NUCB1: variants seen among roughly 807,000 people sequenced by gnomAD.
NUCB1 encodes nucleobindin 1.
In NUCB1, 47 loss-of-function variants were observed where a neutral mutation model predicts 61.2. The observed-to-expected ratio is 0.77, with a 90% CI of 0.61 to 0.98. The LOEUF is 0.98. NUCB1 is among the 50% of genes least tolerant of loss of function. The pLI is 0.00. For synonymous variants in NUCB1, 234 were observed against 243.1 expected, an observed-to-expected ratio of 0.96 and a Z score of 0.35; for missense variants, 583 against 605.3, an observed-to-expected ratio of 0.96 and a Z score of 0.39.
At chr19:48,914,876 T>G (rs190028967) in intron 7 of NUCB1, among the ~76,000 whole-genome samples, 7 of 149,162 alleles carry the variant, frequency 4.7e-5, no homozygotes, top group Admixed American at 2.0e-4. Context: ...AGGTCAGGAG[T>G]TCAAGACCAG....
intron 10 of NUCB1, among the ~76,000 whole-genome samples, 159 bp from the exon 11 acceptor site, chr19:48,920,995 T>G (rs914419539): frequency 7.2e-5 from 11 of 152,184 alleles, no homozygotes; most frequent in Non-Finnish European, 1.6e-4. Context: ...TCTCTCGGTC[T>G]TTATCCCACT....
chr19:48,919,113 G>T lies in NUCB1; in HGVS notation c.900G>T (p.Val300=). 1 of 1,614,144 alleles carries T rather than the reference G, an allele frequency of 6.2e-7. No individual in the cohort carries two copies. Among genetic ancestry groups the T allele is most frequent in the Non-Finnish European group, 8.5e-7 (1 of 1,180,020 alleles). The part of the protein sequence containing the change: ...EEERLRMREH[V]MKNVDTNQDR... ...AGCGACTGCGCATGCGGGAGCATGTGATGAAGAATGTGAGGTGGGGGCCAG... is the reference window on the plus strand; with the variant it reads ...AGCGACTGCGCATGCGGGAGCATGTTATGAAGAATGTGAGGTGGGGGCCAG... The change falls in exon 9 of 13, where the codon GTG becomes GTT. Residue 300 remains valine, a synonymous_variant. Transcript: ENST00000405315.
At chr19:48,912,527 T>A (rs1170046096) in intron 5 of NUCB1, among the ~76,000 whole-genome samples, 3 of 151,880 alleles carry the variant, frequency 2.0e-5, no homozygotes, top group African/African-American at 7.3e-5. Context: ...GCAGGAGCAG[T>A]CATGGAAACC....
At chr19:48,919,486 T>G (rs2037582730) in intron 10 of NUCB1, among the ~76,000 whole-genome samples, 200 bp downstream of exon 10, 1 of 150,934 alleles carries the variant, frequency 6.6e-6, no homozygotes, top group African/African-American at 2.4e-5. Flanking sequence ...TTTATTTATT[T>G]ATTTATTCTG....
intron 7 of NUCB1, chr19:48,918,489 T>C: frequency 1.9e-6 from 1 of 523,246 alleles, no homozygotes; most frequent in South Asian, 2.4e-5. Flanking sequence ...CCAAGCATGT[T>C]TCCTCGAACC....
chr19:48,918,696 T>A, intron 7 of NUCB1, 30 bp from the exon 8 acceptor site: 1 of 1,561,976 alleles, frequency 6.4e-7, no homozygotes, highest in Non-Finnish European at 8.8e-7. Flanking sequence ...CTCGGTCCCC[T>A]GAGATACCTT....
At chr19:48,914,706 G>A (rs1449942140) in intron 7 of NUCB1, among the ~76,000 whole-genome samples, 1 of 152,096 alleles carries the variant, frequency 6.6e-6, no homozygotes, top group Non-Finnish European at 1.5e-5. Context: ...CAGCACTTTG[G>A]TAGGCCAAGG....
intron 7 of NUCB1, among the ~76,000 whole-genome samples, chr19:48,914,113 T>C (rs1041999152): frequency 5.3e-5 from 8 of 151,882 alleles, no homozygotes; most frequent in Non-Finnish European, 1.2e-4. Flanking sequence ...GTAGCTGGGA[T>C]TACAGGCATG....
chr19:48,915,920 A>G (rs1259457989), intron 7 of NUCB1, among the ~76,000 whole-genome samples: 2 of 151,942 alleles, frequency 1.3e-5, no homozygotes, highest in African/African-American at 4.8e-5. Context: ...AGTAGCTGAG[A>G]CTGCAGGTGT....
At chr19:48,913,346 G>A in intron 6 of NUCB1, 128 bp from the exon 7 acceptor site, 1 of 1,214,414 alleles carries the variant, frequency 8.2e-7, no homozygotes, top group Non-Finnish European at 1.2e-6. Context: ...TCTGCTGGGA[G>A]TTGTAGTTTT....
chr19:48,912,959 T>C (rs1008886552), intron 5 of NUCB1, 52 bp from the exon 6 acceptor site: 2 of 1,441,756 alleles, frequency 1.4e-6, no homozygotes, highest in South Asian at 1.4e-5. Context: ...CAGGCTGGAA[T>C]TGGGGGCTGG....
At chr19:48,908,659 G>GT (rs2037437453) in intron 4 of NUCB1, among the ~76,000 whole-genome samples, 1 of 115,768 alleles carries the variant, frequency 8.6e-6, no homozygotes, top group Non-Finnish European at 2.1e-5. Context: ...GTGTGTGTGT[G>GT]TGTGTGTGTG....
chr19:48,911,300 A>G (rs2037469321), intron 5 of NUCB1, 48 bp downstream of exon 5: 10 of 1,285,756 alleles, frequency 7.8e-6, no homozygotes, highest in Admixed American at 1.7e-5. Flanking sequence ...AGCTTTGCGG[A>G]AGGGGAGAAG....
At chr19:48,914,218 TG>T (rs2037513874) in intron 7 of NUCB1, among the ~76,000 whole-genome samples, 1 of 152,004 alleles carries the variant, frequency 6.6e-6, no homozygotes, top group South Asian at 2.1e-4. Context: ...TCGTGTGATC[TG>T]CCCCCTCAGC....
intron 4 of NUCB1, among the ~76,000 whole-genome samples, chr19:48,906,863 C>G (rs2037417845): frequency 6.6e-6 from 1 of 152,200 alleles, no homozygotes; most frequent in Non-Finnish European, 1.5e-5. Context: ...GACTTCACCA[C>G]AGTCACCATC....
At chr19:48,919,452 C>CT (rs1555792213) in intron 10 of NUCB1, among the ~76,000 whole-genome samples, 166 bp downstream of exon 10, 39 of 141,938 alleles carry the variant, frequency 2.7e-4, no homozygotes, top group African/African-American at 1.0e-3. Context: ...CTCTAGGACT[C>CT]TTATTTATTT....
intron 10 of NUCB1, among the ~76,000 whole-genome samples, chr19:48,920,330 T>G (rs2037594916): frequency 1.3e-5 from 2 of 152,010 alleles, no homozygotes; most frequent in Non-Finnish European, 2.9e-5. Context: ...TTCTTTTATT[T>G]ATTTATTAAT....
intron 4 of NUCB1, among the ~76,000 whole-genome samples, chr19:48,908,310 A>C (rs917227116): frequency 6.6e-6 from 1 of 152,096 alleles, no homozygotes; most frequent in Non-Finnish European, 1.5e-5. Context: ...TTGTATCTTT[A>C]GTAGAGACAG....
At chr19:48,918,562 C>G in intron 7 of NUCB1, 164 bp from the exon 8 acceptor site, 2 of 666,772 alleles carry the variant, frequency 3.0e-6, no homozygotes, top group South Asian at 1.8e-5. Context: ...AGCAACGGGT[C>G]TAGTGGGGTA....
Sources: gnomAD v4.1 joint callset for allele counts (sites outside exome capture counted in the v4.1 genomes callset) on GRCh38, gnomAD v4.1.1 for gene constraint, MANE v1.5 for transcripts, NCBI Gene and HGNC (gene_info 2026-07-23, HGNC 2026-07-21) for gene names.